Variants in CCDC185 observed in about 807,000 individuals in gnomAD.
The protein encoded by CCDC185 is coiled-coil domain-containing protein 185.
For missense variants in CCDC185, 982 were observed against 825.3 expected (o/e 1.19, Z -2.33); for synonymous variants, 381 against 348.1 (o/e 1.09, Z -1.05).
rs747573263 is a variant in CCDC185, at chr1:223,395,370, A to C, written c.*23A>C. ...TGAGAACCAAGGACGCCTGGCTTACAGTGCGCAGCCAGAAGGAGATGTGGC... is the reference window on the plus strand; with the variant it reads ...TGAGAACCAAGGACGCCTGGCTTACCGTGCGCAGCCAGAAGGAGATGTGGC... On this transcript the variant is annotated 3_prime_UTR_variant, in exon 1 of 1. Transcript: ENST00000366875. The C allele has an allele frequency of 2.7e-6, 4 of 1,500,690 alleles. No individual in the cohort carries two copies. The highest frequency in any genetic ancestry group is 8.9e-7 in the Non-Finnish European group (1 of 1,126,550). The allele number at this position is 1,500,690 out of a possible 1,614,324, so 93.0% of individuals were successfully genotyped here. A position where few individuals can be genotyped will look rare whatever the true frequency, so the allele number is the denominator to read the frequency against.
chr1:223,394,297 G>A lies in CCDC185; in HGVS notation c.822G>A (p.Arg274=). 6.2e-7 allele frequency: 1 copy of A among 1,613,072 alleles called. No homozygotes were observed. The highest frequency in any genetic ancestry group is 8.5e-7 in the Non-Finnish European group (1 of 1,179,740). The change falls in exon 1 of 1, where the codon CGG becomes CGA. Residue 274 remains arginine, a synonymous_variant. Transcript: ENST00000366875. ...GTCTCAAGAAGGCCCAGAGGATACG[G>A]GAGCTGCAGCAGCAGGCGGCTAAGG... ...LTRLKKAQRI[R]ELQQQAAKAW...
rs766479908 is a variant in CCDC185, at chr1:223,394,787, G to C, written c.1312G>C (p.Asp438His). ...TTACCAGGCCCGGAAGGTCCTCATG[G>C]ACTGCCAGGCCAAGGCTGAGGAGCT... Reference protein sequence around the residue: ...INYQARKVLMDCQAKAEELLR... With the variant: ...INYQARKVLMHCQAKAEELLR... The change falls in exon 1 of 1, where the codon GAC becomes CAC. Residue 438 changes from aspartate to histidine, a missense_variant. Transcript: ENST00000366875. 1.2e-6 allele frequency: 2 copies of C among 1,613,446 alleles called. No individual in the cohort carries two copies. Among genetic ancestry groups the C allele is most frequent in the South Asian group, 2.2e-5 (2 of 91,054 alleles).
In CCDC185 at chr1:223,394,559, G is replaced by C. The variant is rs373172861; in HGVS notation, c.1084G>C (p.Glu362Gln). The change falls in exon 1 of 1, where the codon GAG becomes CAG. Residue 362 changes from glutamate (E) to glutamine (Q), a missense_variant. Transcript: ENST00000366875. ...DQESPRQEKLEKARAQAEHRK... is the reference protein window; with the variant it reads ...DQESPRQEKLQKARAQAEHRK... ...GGAGAGCCCGCGCCAGGAGAAGCTGGAGAAGGCGCGCGCCCAGGCAGAGCA... is the reference window on the plus strand; with the variant it reads ...GGAGAGCCCGCGCCAGGAGAAGCTGCAGAAGGCGCGCGCCCAGGCAGAGCA... 23 of 1,604,742 alleles carry C rather than the reference G, an allele frequency of 1.4e-5. No homozygotes were observed. The highest frequency in any genetic ancestry group is 2.7e-5 in the African/African-American group (2 of 74,730).
chr1:223,393,638 G>A lies in CCDC185; in HGVS notation c.163G>A (p.Ala55Thr). The stretch of plus-strand genomic sequence containing the variant: ...CGGGACTCCGGGTGCGGAGAGCGAA[G>A]CTGGGGCGTGCTGGCTGCACCCGCA... ...RAGTPGAESE[A>T]GACWLHPHCS... Residue 55 changes from alanine to threonine, a missense_variant, in exon 1 of 1, where the codon GCT (alanine) becomes ACT (threonine). Ala to Thr is a moderately conservative substitution (Grantham distance 58). Transcript: ENST00000366875. The surrounding 1 kb of genome is among the most constrained non-coding windows in gnomAD (Gnocchi z 4.8). 1 of 1,535,628 alleles carries A rather than the reference G, an allele frequency of 6.5e-7. No homozygotes were observed.
At chr1:223,393,521 TG>T in the CCDC185 span, 3 of 1,548,552 alleles carry the variant, frequency 1.9e-6, no homozygotes, top group South Asian at 1.2e-5. This position sits in a 1 kb window ranked among gnomAD's most constrained non-coding sequence, Gnocchi z 4.8. Flanking sequence ...CCGGGATCTC[TG>T]GGAACCCCCG....
Position 223,394,641 on chromosome 1 carries a change from T to C in CCDC185, c.1166T>C (p.Leu389Pro), listed in dbSNP as rs1312564459. ...LREQEKMLRN[L>P]REQHSLQLQR... ...GAGCAGGAGAAGATGCTACGGAACC[T>C]CCGGGAGCAGCACAGCCTGCAGCTG... is the stretch of plus-strand genomic sequence containing the variant. The change falls in exon 1 of 1, where the codon CTC becomes CCC. Residue 389 changes from leucine to proline, a missense_variant. Leu to Pro is a moderately conservative substitution (Grantham distance 98). Coordinates refer to ENST00000366875, the MANE Select transcript of CCDC185 (RefSeq NM_152610.3). 2 of 1,613,072 alleles carry C rather than the reference T, an allele frequency of 1.2e-6. No homozygotes were observed. The highest frequency in any genetic ancestry group is 1.7e-6 in the Non-Finnish European group (2 of 1,179,878).
chr1:223,393,717 G>A lies in CCDC185; in HGVS notation c.242G>A (p.Gly81Asp), dbSNP rs765654470. Residue 81 changes from glycine (G) to aspartate (D), a missense_variant, in exon 1 of 1, where the codon GGC (glycine) becomes GAC (aspartate). Gly to Asp is a moderately conservative substitution (Grantham distance 94, BLOSUM62 -1). Coordinates refer to ENST00000366875, the MANE Select transcript of CCDC185 (RefSeq NM_152610.3). This position sits in a 1 kb window ranked among gnomAD's most constrained non-coding sequence, Gnocchi z 4.8. ...RRRGCSDSLR[G>D]SRSLSDVARR... ...CGCGGGTGCTCAGATTCACTGCGGG[G>A]CAGCCGAAGCCTGAGCGATGTGGCC... 103 of 1,568,652 alleles carry A rather than the reference G, an allele frequency of 6.6e-5. No homozygotes were observed. Among genetic ancestry groups the A allele is most frequent in the Non-Finnish European group, 8.6e-5 (100 of 1,161,034 alleles).
In CCDC185 at chr1:223,393,572, G is replaced by T. The variant is rs766208383; in HGVS notation, c.97G>T (p.Gly33Trp). ...ACGAGAGTCCACGCAGCGGCTGGGCGGGCAGAGGTCCGGAGCCGACTCCAC... is the reference window on the plus strand; with the variant it reads ...ACGAGAGTCCACGCAGCGGCTGGGCTGGCAGAGGTCCGGAGCCGACTCCAC... ...GERESTQRLG[G>W]QRSGADSTAC... Residue 33 changes from glycine to tryptophan, a missense_variant, in exon 1 of 1, where the codon GGG becomes TGG. By Grantham distance (184) the Gly-to-Trp change is radical. Coordinates refer to ENST00000366875, the MANE Select transcript of CCDC185 (RefSeq NM_152610.3). This position sits in a 1 kb window ranked among gnomAD's most constrained non-coding sequence, Gnocchi z 4.8. The T allele has an allele frequency of 7.1e-6, 11 of 1,546,066 alleles. No individual in the cohort carries two copies. Among genetic ancestry groups the T allele is most frequent in the African/African-American group, 5.6e-5 (4 of 71,210 alleles).
chr1:223,393,684 C>T lies in CCDC185; in HGVS notation c.209C>T (p.Pro70Leu), dbSNP rs1669602604. 1.3e-6 allele frequency: 2 copies of T among 1,572,018 alleles called. No individual in the cohort carries two copies. The highest frequency in any genetic ancestry group is 2.4e-5 in the South Asian group (2 of 84,948). Residue 70 changes from proline (P) to leucine (L), a missense_variant, in exon 1 of 1, where the codon CCT becomes CTT. Coordinates refer to ENST00000366875, the MANE Select transcript of CCDC185 (RefSeq NM_152610.3). This position sits in a 1 kb window ranked among gnomAD's most constrained non-coding sequence, Gnocchi z 4.8. ...LHPHCSFTPR[P>L]RRRGCSDSLR... ...CCGCACTGTTCGTTCACCCCGCGGC[C>T]TCGCAGGCGCGGGTGCTCAGATTCA...
rs1427993676 is a variant in CCDC185, at chr1:223,394,115, A to G, written c.640A>G (p.Ser214Gly). Reference sequence around the variant, plus strand: ...CTGCGTGTGCGCCCAGAAGAGAGACAGCAGCGACCAGGTTGAGTCATTAGC... The same window carrying G: ...CTGCGTGTGCGCCCAGAAGAGAGACGGCAGCGACCAGGTTGAGTCATTAGC... ...SACVCAQKRD[S>G]SDQVESLASR... The change falls in exon 1 of 1, where the codon AGC becomes GGC. Residue 214 changes from serine to glycine, a missense_variant. Ser to Gly is a moderately conservative substitution (Grantham distance 56, BLOSUM62 0). Transcript: ENST00000366875. 1.2e-6 allele frequency: 2 copies of G among 1,613,976 alleles called. No homozygotes were observed. Among genetic ancestry groups the G allele is most frequent in the Admixed American group, 3.3e-5 (2 of 60,010 alleles).
Position 223,394,544 on chromosome 1 carries a change from C to T in CCDC185, c.1069C>T (p.Arg357Cys), listed in dbSNP as rs138307328. ...GCAACCAGAGGACCAGGAGAGCCCG[C>T]GCCAGGAGAAGCTGGAGAAGGCGCG... is the stretch of plus-strand genomic sequence containing the variant. ...KEQPEDQESP[R>C]QEKLEKARAQ... is the part of the protein sequence containing the mutation. The change falls in exon 1 of 1, where the codon CGC becomes TGC. Residue 357 changes from arginine to cysteine, a missense_variant. Transcript: ENST00000366875. The T allele has an allele frequency of 1.5e-5, 24 of 1,600,786 alleles. No individual in the cohort carries two copies. The highest frequency in any genetic ancestry group is 5.6e-5 in the South Asian group (5 of 89,484).
rs750227441 is a variant in CCDC185 at position 223,393,516 on chromosome 1, A to T, written c.41A>T (p.Asp14Val). The T allele has an allele frequency of 4.5e-6, 7 of 1,543,568 alleles. No homozygotes were observed. The highest frequency in any genetic ancestry group is 2.4e-5 in the East Asian group (1 of 40,824). ...FSHFSQPPYR[D>V]LWEPPRPGGE... Reference sequence around the variant, plus strand: ...CACTTCTCCCAGCCGCCCTACCGGGATCTCTGGGAACCCCCGCGGCCCGGC... The same window carrying T: ...CACTTCTCCCAGCCGCCCTACCGGGTTCTCTGGGAACCCCCGCGGCCCGGC... Residue 14 changes from aspartate to valine, a missense_variant, in exon 1 of 1, where the codon GAT (aspartate) becomes GTT (valine). Transcript: ENST00000366875. The surrounding 1 kb of genome is among the most constrained non-coding windows in gnomAD (Gnocchi z 4.8).
In CCDC185 at chr1:223,394,720, C is replaced by T; in HGVS notation, c.1245C>T (p.Gly415=). The part of the protein sequence containing the change: ...CRKRHLHAVE[G]QKKVQDTNLS... The stretch of plus-strand genomic sequence containing the variant: ...AGAGGCACCTACATGCCGTGGAGGG[C>T]CAGAAGAAGGTCCAGGACACCAACC... Residue 415 remains glycine (G), a synonymous_variant, in exon 1 of 1, where the codon GGC becomes GGT. Coordinates refer to ENST00000366875, the MANE Select transcript of CCDC185 (RefSeq NM_152610.3). 6.2e-7 allele frequency: 1 copy of T among 1,610,998 alleles called. No individual in the cohort carries two copies. The highest frequency in any genetic ancestry group is 8.5e-7 in the Non-Finnish European group (1 of 1,178,766).
At position 223,393,675 on chromosome 1, in the gene CCDC185, C is replaced by T. The variant is rs556771431; in HGVS notation, c.200C>T (p.Thr67Ile). ...ACWLHPHCSFTPRPRRRGCSD... is the reference protein window; with the variant it reads ...ACWLHPHCSFIPRPRRRGCSD... ...TGGCTGCACCCGCACTGTTCGTTCA[C>T]CCCGCGGCCTCGCAGGCGCGGGTGC... Residue 67 changes from threonine to isoleucine, a missense_variant, in exon 1 of 1, where the codon ACC (threonine) becomes ATC (isoleucine). Coordinates refer to ENST00000366875, the MANE Select transcript of CCDC185 (RefSeq NM_152610.3). This position sits in a 1 kb window ranked among gnomAD's most constrained non-coding sequence, Gnocchi z 4.8. The T allele has an allele frequency of 3.6e-5, 57 of 1,571,162 alleles. No individual in the cohort carries two copies. The African/African-American group carries it at 6.5e-4, about 18-fold the overall frequency.
chr1:223,395,406 C>T lies in CCDC185; in HGVS notation c.*59C>T, dbSNP rs1199287126. On this transcript the variant is annotated 3_prime_UTR_variant, in exon 1 of 1. Coordinates refer to ENST00000366875, the MANE Select transcript of CCDC185 (RefSeq NM_152610.3). ...AGAAGGAGATGTGGCAATGTGATTC[C>T]TTTTGTAATCTGATTATAATTGAAC... 4.2e-6 allele frequency: 6 copies of T among 1,413,990 alleles called. No individual in the cohort carries two copies. Among genetic ancestry groups the T allele is most frequent in the East Asian group, 4.9e-5 (2 of 41,140 alleles). 87.6% of individuals were successfully genotyped at this position (1,413,990 alleles called of 1,614,324 possible). A position where few individuals can be genotyped will look rare whatever the true frequency, so the allele number is the denominator to read the frequency against.
chr1:223,394,457 C>T lies in CCDC185; in HGVS notation c.982C>T (p.Arg328Cys), dbSNP rs1004066240. The T allele has an allele frequency of 6.4e-7, 1 of 1,572,178 alleles. No homozygotes were observed. The highest frequency in any genetic ancestry group is 8.6e-7 in the Non-Finnish European group (1 of 1,159,490). The change falls in exon 1 of 1, where the codon CGC becomes TGC. Residue 328 changes from arginine to cysteine, a missense_variant. Arg to Cys is a radical substitution (Grantham distance 180). Coordinates refer to ENST00000366875, the MANE Select transcript of CCDC185 (RefSeq NM_152610.3). ...CAAGACCCTCCAGAGCCCTGAGCAG[C>T]GCGGCCTGCGGCGGGACAGCCAGAG... is the stretch of plus-strand genomic sequence containing the variant. The part of the protein sequence containing the change: ...QRKTLQSPEQ[R>C]GLRRDSQRKN...
the CCDC185 span, chr1:223,393,551 G>T: frequency 6.4e-7 from 1 of 1,558,706 alleles, no homozygotes. This position sits in a 1 kb window ranked among gnomAD's most constrained non-coding sequence, Gnocchi z 4.8. Flanking sequence ...CGGAGAACGA[G>T]AGTCCACGCA....
Position 223,395,371 on chromosome 1 carries a change from G to C in CCDC185, c.*24G>C. On this transcript the variant is annotated 3_prime_UTR_variant, in exon 1 of 1. Coordinates refer to ENST00000366875, the MANE Select transcript of CCDC185 (RefSeq NM_152610.3). ...GAGAACCAAGGACGCCTGGCTTACA[G>C]TGCGCAGCCAGAAGGAGATGTGGCA... 1 of 1,494,240 alleles carries C rather than the reference G, an allele frequency of 6.7e-7. No individual in the cohort carries two copies. Among genetic ancestry groups the C allele is most frequent in the Non-Finnish European group, 8.9e-7 (1 of 1,123,246 alleles). The allele number at this position is 1,494,240 out of a possible 1,614,324, so 92.6% of individuals were successfully genotyped here.
In CCDC185 at chr1:223,394,302, T is replaced by G. The variant is rs1350544956; in HGVS notation, c.827T>G (p.Leu276Arg). Residue 276 changes from leucine to arginine, a missense_variant, in exon 1 of 1, where the codon CTG (leucine) becomes CGG (arginine). By Grantham distance (102) the Leu-to-Arg change is moderately radical (BLOSUM62 -2). Transcript: ENST00000366875. ...AAGAAGGCCCAGAGGATACGGGAGC[T>G]GCAGCAGCAGGCGGCTAAGGCCTGG... Reference protein sequence around the residue: ...RLKKAQRIRELQQQAAKAWEE... With the variant: ...RLKKAQRIRERQQQAAKAWEE... 6.2e-7 allele frequency: 1 copy of G among 1,612,576 alleles called. No homozygotes were observed. The highest frequency in any genetic ancestry group is 1.1e-5 in the South Asian group (1 of 90,924).
Sources: allele counts gnomAD v4.1 joint callset, GRCh38; gene constraint gnomAD v4.1.1; non-coding constraint Gnocchi (gnomAD v3.1); transcripts MANE v1.5; gene names NCBI Gene and HGNC (gene_info 2026-07-23, HGNC 2026-07-21).